The following RANBP2 variants were observed in gnomAD, a reference collection of about 807,000 sequenced individuals.
The protein encoded by RANBP2 is RAN binding protein 2.
A neutral mutation model predicts 303.6 loss-of-function variants in RANBP2; 57 were observed. The ratio of observed to expected loss-of-function variants is 0.19; its 90% CI spans 0.15 to 0.23. The LOEUF is 0.23. Among genes scored for constraint, RANBP2 ranks in the 10% least tolerant of loss-of-function variants. The pLI is 1.00. For synonymous variants in RANBP2, 1,167 were observed against 1,301.5 expected (o/e 0.90, Z 2.23); for missense variants, 3,138 against 3,780.8 (o/e 0.83, Z 4.46).
the RANBP2 span, among the ~76,000 whole-genome samples, chr2:109,684,530 C>T: frequency 2.3e-5 from 3 of 132,472 alleles, no homozygotes; most frequent in Non-Finnish European, 3.2e-5. Flanking sequence ...TGAGCCACTG[C>T]ACCCGGGCTT....
chr2:109,244,265 T>C, the RANBP2 span, among the ~76,000 whole-genome samples: 112,101 of 152,070 alleles, frequency 0.74, 41,877 homozygotes, highest in East Asian at 0.89. Context: ...ACACAGGAGG[T>C]ACAACAAAGC....
intron 25 of RANBP2, among the ~76,000 whole-genome samples, chr2:108,778,091 G>A (rs1178719314): frequency 6.6e-6 from 1 of 152,066 alleles, no homozygotes; most frequent in African/African-American, 2.4e-5. Context: ...AGGGTAATGT[G>A]TCAGTAAATA....
At chr2:108,819,778 T>A in the RANBP2 span, among the ~76,000 whole-genome samples, 1 of 152,100 alleles carries the variant, frequency 6.6e-6, no homozygotes, top group Non-Finnish European at 1.5e-5. Flanking sequence ...TAAAAAAGGA[T>A]CAGAAGGCAT....
the RANBP2 span, among the ~76,000 whole-genome samples, chr2:109,651,657 G>A: frequency 1.3e-5 from 2 of 152,118 alleles, no homozygotes; most frequent in Non-Finnish European, 2.9e-5. Context: ...TGACTCATAC[G>A]CCTTGGCTAA....
the RANBP2 span, among the ~76,000 whole-genome samples, chr2:109,380,208 C>G: frequency 6.6e-6 from 1 of 152,154 alleles, no homozygotes; most frequent in African/African-American, 2.4e-5. Context: ...CCGGCTCGCC[C>G]TGATTTCTCT....
chr2:109,408,545 T>G, the RANBP2 span, among the ~76,000 whole-genome samples: 1 of 152,212 alleles, frequency 6.6e-6, no homozygotes, highest in East Asian at 1.9e-4. Flanking sequence ...GGGTTCGCTC[T>G]CAGGACCTCG....
chr2:109,159,071 C>T, the RANBP2 span, among the ~76,000 whole-genome samples: 11 of 152,170 alleles, frequency 7.2e-5, no homozygotes, highest in South Asian at 2.1e-4. Context: ...GAACCCAGAT[C>T]GCACCACTGC....
intron 25 of RANBP2, among the ~76,000 whole-genome samples, chr2:108,777,955 T>C (rs1678000487): frequency 6.6e-6 from 1 of 152,156 alleles, no homozygotes; most frequent in South Asian, 2.1e-4. Flanking sequence ...TGCACTTTTT[T>C]CACAGCTCCT....
the RANBP2 span, among the ~76,000 whole-genome samples, chr2:109,135,327 G>A: frequency 3.9e-5 from 6 of 152,212 alleles, no homozygotes; most frequent in Admixed American, 3.9e-4. Flanking sequence ...GTGGAAGGAG[G>A]GGAAGGGGTG....
chr2:109,766,231 A>G, the RANBP2 span, among the ~76,000 whole-genome samples: 1 of 151,278 alleles, frequency 6.6e-6, no homozygotes, highest in Non-Finnish European at 1.5e-5. Context: ...TTCCAGGGCT[A>G]GGGCTGTGGG....
downstream of RANBP2, chr2:108,789,065 C>A: frequency 8.1e-7 from 1 of 1,236,832 alleles, no homozygotes; most frequent in Non-Finnish European, 1.2e-6. Context: ...TTCCTGAGGA[C>A]AAGTATGAGG....
the RANBP2 span, among the ~76,000 whole-genome samples, chr2:109,464,896 A>T: frequency 6.6e-6 from 1 of 152,220 alleles, no homozygotes; most frequent in Non-Finnish European, 1.5e-5. Context: ...CAAATGTATA[A>T]TGACATGTGT....
chr2:109,562,911 C>CTT, the RANBP2 span, among the ~76,000 whole-genome samples: 857 of 145,848 alleles, frequency 5.9e-3, 22 homozygotes, highest in Admixed American at 0.051. Flanking sequence ...ACACACAATG[C>CTT]TTTTTTTTTT....
chr2:109,255,687 A>G, the RANBP2 span, among the ~76,000 whole-genome samples: 3 of 152,202 alleles, frequency 2.0e-5, no homozygotes, highest in Non-Finnish European at 4.4e-5. Flanking sequence ...ACCAGAAAAC[A>G]TGTGGAGGAC....
chr2:109,070,819 C>T, the RANBP2 span, among the ~76,000 whole-genome samples: 1 of 151,074 alleles, frequency 6.6e-6, no homozygotes, highest in Non-Finnish European at 1.5e-5. Flanking sequence ...AAGATTGTGC[C>T]ACTGCACTCC....
At chr2:109,040,040 G>A in the RANBP2 span, among the ~76,000 whole-genome samples, 24 of 152,186 alleles carry the variant, frequency 1.6e-4, no homozygotes, top group African/African-American at 5.1e-4. Flanking sequence ...GAAACATAAA[G>A]TTATTTTTCT....
rs1678551574 is a variant in RANBP2 at position 108,785,401 on chromosome 2, G to A, written c.*1500G>A. ...TCTATGTAATATAAACTGATGTAAA[G>A]TGTGTTGTAACTTTTCAGCTGAGAC... On this transcript the variant is annotated 3_prime_UTR_variant, in exon 29 of 29. Coordinates refer to ENST00000283195, the MANE Select transcript of RANBP2 (RefSeq NM_006267.5). 6.6e-6 allele frequency: 1 copy of A among 152,202 alleles called. No individual in the cohort carries two copies. The highest frequency in any genetic ancestry group is 1.5e-5 in the Non-Finnish European group (1 of 68,030). The allele number at this position is 152,202 out of a possible 1,614,324, so 9.4% of individuals were successfully genotyped here.
chr2:109,449,475 A>T, the RANBP2 span: 1 of 1,613,958 alleles, frequency 6.2e-7, no homozygotes, highest in South Asian at 1.1e-5. Context: ...ACTAGACGAG[A>T]AGAAAAGTGA....
chr2:108,985,995 A>C, the RANBP2 span, among the ~76,000 whole-genome samples: 16 of 152,122 alleles, frequency 1.1e-4, no homozygotes, highest in African/African-American at 3.4e-4. Flanking sequence ...CCCTGCCAAG[A>C]CCCAGGGCAA....
Sources: gnomAD v4.1 joint callset for allele counts (sites outside exome capture counted in the v4.1 genomes callset) on GRCh38, gnomAD v4.1.1 for gene constraint, MANE v1.5 for transcripts, NCBI Gene and HGNC (gene_info 2026-07-23, HGNC 2026-07-21) for gene names.